Variants in NIPAL3 observed in about 807,000 individuals in gnomAD.
NIPAL3 encodes the protein NIPA-like protein 3.
A neutral mutation model predicts 47.2 loss-of-function variants in NIPAL3; 41 were observed. The observed-to-expected ratio is 0.87, with a 90% confidence interval of 0.68 to 1.13. The LOEUF (loss-of-function observed/expected upper bound fraction) is 1.13. Among genes scored for constraint, NIPAL3 ranks in the 50% most tolerant of loss-of-function variants. The pLI is 0.00. For synonymous variants in NIPAL3, 194 were observed against 209.6 expected (o/e 0.93, Z 0.64); for missense variants, 449 against 530.1 (o/e 0.85, Z 1.50).
intron 2 of NIPAL3, among the ~76,000 whole-genome samples, chr1:24,423,538 G>A (rs1167510920): frequency 2.0e-5 from 3 of 152,172 alleles, no homozygotes; most frequent in African/African-American, 4.8e-5. Flanking sequence ...GCTGAGGCAG[G>A]AGAATGGCGT....
rs1645107294 is a variant in NIPAL3, at chr1:24,436,363, G to T, written c.94-3809G>T. 2.6e-5 allele frequency among the ~76,000 whole-genome samples: 4 copies of T among 151,942 alleles called. No homozygotes were observed. In the South Asian group the frequency reaches 8.3e-4, roughly 32 times the overall value. On this transcript the variant is annotated intron_variant, in intron 2 of 11. Transcript: ENST00000374399. The stretch of plus-strand genomic sequence containing the variant: ...AGAGTGCTGGCTTCTTCGCCTACAA[G>T]TTTGGGATGTATGAGGCAAAAAGAA...
At chr1:24,418,531 G>A (rs925379562) in intron 1 of NIPAL3, among the ~76,000 whole-genome samples, 2 of 152,112 alleles carry the variant, frequency 1.3e-5, no homozygotes, top group Admixed American at 1.3e-4. Context: ...GCTGAGGGAG[G>A]ATTGCTTGAG....
At chr1:24,457,628 G>A (rs1646276384) in intron 8 of NIPAL3, 5 of 425,346 alleles carry the variant, frequency 1.2e-5, no homozygotes. Flanking sequence ...AGGAACTGAT[G>A]CGGAGAGAGT....
intron 2 of NIPAL3, among the ~76,000 whole-genome samples, chr1:24,435,574 C>CTAT (rs1645062592): frequency 2.0e-5 from 3 of 152,284 alleles, no homozygotes; most frequent in Admixed American, 2.0e-4. Context: ...TGAAATGTCG[C>CTAT]ACCTATATAG....
chr1:24,416,251 T>G lies in NIPAL3; in HGVS notation c.-258+347T>G. ...TTAGCAGGTGGGATGAGGGGAGGCGTTCTTGGTCTAAGCCCGCTTCTGGAA... is the reference window on the plus strand; with the variant it reads ...TTAGCAGGTGGGATGAGGGGAGGCGGTCTTGGTCTAAGCCCGCTTCTGGAA... On this transcript the variant is annotated intron_variant, in intron 1 of 11. Coordinates refer to ENST00000374399, the MANE Select transcript of NIPAL3 (RefSeq NM_020448.5). The surrounding 1 kb of genome is among the most constrained non-coding windows in gnomAD (Gnocchi z 4.8). 1 of 985,386 alleles carries G rather than the reference T, an allele frequency of 1.0e-6. No individual in the cohort carries two copies. Among genetic ancestry groups the G allele is most frequent in the Non-Finnish European group, 1.2e-6 (1 of 829,992 alleles). 61.0% of individuals were successfully genotyped at this position (985,386 alleles called of 1,614,324 possible). A position where few individuals can be genotyped will look rare whatever the true frequency, so the allele number is the denominator to read the frequency against.
chr1:24,456,303 C>T (rs1290444444), intron 8 of NIPAL3, 30 bp downstream of exon 8: 1 of 1,613,886 alleles, frequency 6.2e-7, no homozygotes, highest in East Asian at 2.2e-5. Flanking sequence ...CCTGCTGGGC[C>T]CTGCCATTCG....
intron 2 of NIPAL3, among the ~76,000 whole-genome samples, chr1:24,423,690 C>T (rs1644442656): frequency 6.6e-6 from 1 of 152,114 alleles, no homozygotes; most frequent in South Asian, 2.1e-4. Context: ...ACACCAAGGT[C>T]AGTTGGTTAG....
chr1:24,449,655 G>A lies in NIPAL3; in HGVS notation c.540+29G>A, dbSNP rs1645842882. The stretch of plus-strand genomic sequence containing the variant: ...AGAGAAGCCTCCAGTCGTTCCCCCT[G>A]AGATGGCAGGAGGGAGATCAAGTCC... On this transcript the variant is annotated intron_variant, in intron 6 of 11. Coordinates refer to ENST00000374399, the MANE Select transcript of NIPAL3 (RefSeq NM_020448.5). The surrounding 1 kb of genome is among the most constrained non-coding windows in gnomAD (Gnocchi z 4.5). 6.2e-7 allele frequency: 1 copy of A among 1,600,734 alleles called. No individual in the cohort carries two copies. Among genetic ancestry groups the A allele is most frequent in the Non-Finnish European group, 8.5e-7 (1 of 1,172,960 alleles).
rs1413207953 is a variant in NIPAL3 at position 24,451,740 on chromosome 1, G to A, written c.541-1668G>A. Among the ~76,000 whole-genome samples, 6 of 152,062 alleles carry A rather than the reference G, an allele frequency of 3.9e-5. No homozygotes were observed. Among genetic ancestry groups the A allele is most frequent in the African/African-American group, 1.4e-4 (6 of 41,394 alleles). On this transcript the variant is annotated intron_variant, in intron 6 of 11. Coordinates refer to ENST00000374399, the MANE Select transcript of NIPAL3 (RefSeq NM_020448.5). This position sits in a 1 kb window ranked among gnomAD's most constrained non-coding sequence, Gnocchi z 4.5. ...AAGAAAAAAAAAATCATGGAGAATGGCTGAAGAATTGGGACCCCTCAAATG... is the reference window on the plus strand; with the variant it reads ...AAGAAAAAAAAAATCATGGAGAATGACTGAAGAATTGGGACCCCTCAAATG...
chr1:24,421,853 T>A (rs1644348305), intron 2 of NIPAL3: 1 of 152,264 alleles, frequency 6.6e-6, no homozygotes. Context: ...GTAATGGCCC[T>A]GACTGGCACA....
chr1:24,468,134 C>T (rs1450072106), intron 11 of NIPAL3, among the ~76,000 whole-genome samples: 1 of 151,786 alleles, frequency 6.6e-6, no homozygotes, highest in African/African-American at 2.4e-5. Flanking sequence ...GCTGAAACCC[C>T]ATCTCTCCCC....
rs878866541 is a variant in NIPAL3, at chr1:24,438,147, C to T, written c.94-2025C>T. ...TCTCTGGGAACTCAGCTGGGGAAACCCTGGCTGGGCAGGTCTCCAGCGAGC... is the reference window on the plus strand; with the variant it reads ...TCTCTGGGAACTCAGCTGGGGAAACTCTGGCTGGGCAGGTCTCCAGCGAGC... On this transcript the variant is annotated intron_variant, in intron 2 of 11. Coordinates refer to ENST00000374399, the MANE Select transcript of NIPAL3 (RefSeq NM_020448.5). Among the ~76,000 whole-genome samples, 3 of 152,266 alleles carry T rather than the reference C, an allele frequency of 2.0e-5. No homozygotes were observed. In the South Asian group the frequency reaches 6.2e-4, roughly 32 times the overall value.
chr1:24,460,302 A>G (rs373479150), intron 9 of NIPAL3, among the ~76,000 whole-genome samples, 179 bp from the exon 10 acceptor site: 1 of 152,304 alleles, frequency 6.6e-6, no homozygotes, highest in East Asian at 1.9e-4. Flanking sequence ...AAGGTGGAAA[A>G]AAGTTGACAA....
intron 2 of NIPAL3, among the ~76,000 whole-genome samples, chr1:24,422,678 ACACCAACT>A (rs1375269639): frequency 2.6e-5 from 4 of 152,174 alleles, no homozygotes; most frequent in Non-Finnish European, 5.9e-5. Flanking sequence ...GCTCCTTCCC[ACACCAACT>A]CCATCATCCT....
chr1:24,467,260 G>A (rs904398043), intron 11 of NIPAL3, among the ~76,000 whole-genome samples: 3 of 151,778 alleles, frequency 2.0e-5, no homozygotes, highest in Non-Finnish European at 2.9e-5. Flanking sequence ...TCAGGAGATC[G>A]AGACCATCCT....
Position 24,416,248 on chromosome 1 carries a change from G to A in NIPAL3, c.-258+344G>A, listed in dbSNP as rs747986571. ...GAGTTAGCAGGTGGGATGAGGGGAG[G>A]CGTTCTTGGTCTAAGCCCGCTTCTG... On this transcript the variant is annotated intron_variant, in intron 1 of 11. Transcript: ENST00000374399. This position sits in a 1 kb window ranked among gnomAD's most constrained non-coding sequence, Gnocchi z 4.8. 7 of 985,382 alleles carry A rather than the reference G, an allele frequency of 7.1e-6. No individual in the cohort carries two copies. The highest frequency in any genetic ancestry group is 7.2e-6 in the Non-Finnish European group (6 of 830,022). 61.0% of individuals were successfully genotyped at this position (985,382 alleles called of 1,614,324 possible). A position where few individuals can be genotyped will look rare whatever the true frequency, so the allele number is the denominator to read the frequency against.
rs1312363190 is a variant in NIPAL3 at position 24,472,104 on chromosome 1, C to T, written c.*2919C>T. ...AAAGCGTATTGTAATTTCATGTCTG[C>T]TTCAGATCATGGGGACAGTGCCACC... On this transcript the variant is annotated 3_prime_UTR_variant, in exon 12 of 12. Transcript: ENST00000374399. The T allele has an allele frequency of 6.7e-6, 1 of 149,960 alleles. No homozygotes were observed. The highest frequency in any genetic ancestry group is 1.5e-5 in the Non-Finnish European group (1 of 67,890). 9.3% of individuals were successfully genotyped at this position (149,960 alleles called of 1,614,324 possible). A position where few individuals can be genotyped will look rare whatever the true frequency, so the allele number is the denominator to read the frequency against.
rs151045699 is a variant in NIPAL3 at position 24,428,197 on chromosome 1, G to A, written c.93+8557G>A. 3.8e-3 allele frequency among the ~76,000 whole-genome samples: 565 copies of A among 150,488 alleles called. 2 individuals carry two copies. Among genetic ancestry groups the A allele is most frequent in the African/African-American group, 0.013 (519 of 41,034 alleles). On this transcript the variant is annotated intron_variant, in intron 2 of 11. Coordinates refer to ENST00000374399, the MANE Select transcript of NIPAL3 (RefSeq NM_020448.5). ...GGAGGTTGCAGTGAGCTGAGATCACGTCACTGCATTCCAGCCTCATTCCAG... is the reference window on the plus strand; with the variant it reads ...GGAGGTTGCAGTGAGCTGAGATCACATCACTGCATTCCAGCCTCATTCCAG...
At chr1:24,418,581 T>C (rs949397521) in intron 1 of NIPAL3, among the ~76,000 whole-genome samples, 20 of 152,314 alleles carry the variant, frequency 1.3e-4, no homozygotes, top group African/African-American at 4.6e-4. Flanking sequence ...CACTCCAGCT[T>C]GGATGACAGA....
Sources: allele counts gnomAD v4.1 joint callset (sites outside exome capture counted in the v4.1 genomes callset), GRCh38; gene constraint gnomAD v4.1.1; non-coding constraint Gnocchi (gnomAD v3.1); transcripts MANE v1.5; gene names NCBI Gene and HGNC (gene_info 2026-07-23, HGNC 2026-07-21).